The following GLIS3 variants were observed in gnomAD, a reference collection of about 807,000 sequenced individuals.
The protein encoded by GLIS3 is zinc finger protein GLIS3.
A neutral mutation model predicts 78.6 loss-of-function variants in GLIS3; 53 were observed. That is an observed-to-expected ratio of 0.67 (90% CI 0.54 to 0.85). The LOEUF is 0.85. Ranked by LOEUF, GLIS3 falls within the 40% of genes least tolerant of loss-of-function variation. The pLI is 0.00. For missense variants in GLIS3, 1,703 were observed against 1,231.1 expected, an observed-to-expected ratio of 1.38 and a Z score of -5.74; for synonymous variants, 684 against 509.9, an observed-to-expected ratio of 1.34 and a Z score of -4.60.
upstream of GLIS3, among the ~76,000 whole-genome samples, chr9:4,303,853 G>T (rs938822518): frequency 6.6e-6 from 1 of 152,182 alleles, no homozygotes; most frequent in Non-Finnish European, 1.5e-5. Flanking sequence ...TAAATTCATA[G>T]ATAAATACAA....
chr9:4,250,756 T>C (rs1244141088), intron 2 of GLIS3, among the ~76,000 whole-genome samples: 1 of 152,248 alleles, frequency 6.6e-6, no homozygotes, highest in Non-Finnish European at 1.5e-5. Flanking sequence ...TTTGGTGCTA[T>C]AAATTTCCCT....
chr9:3,964,197 G>A (rs1387429254), intron 4 of GLIS3, among the ~76,000 whole-genome samples: 1 of 152,072 alleles, frequency 6.6e-6, no homozygotes, highest in Non-Finnish European at 1.5e-5. Context: ...CATCATAAAT[G>A]CTATGTATCT....
intron 2 of GLIS3, among the ~76,000 whole-genome samples, chr9:4,234,390 A>T (rs1199029866): frequency 1.3e-5 from 2 of 152,212 alleles, no homozygotes; most frequent in African/African-American, 4.8e-5. Flanking sequence ...TGTTTTAAGG[A>T]ATACAAGAGC....
chr9:4,415,667 C>G, the GLIS3 span, among the ~76,000 whole-genome samples: 4 of 152,212 alleles, frequency 2.6e-5, no homozygotes, highest in African/African-American at 7.2e-5. Flanking sequence ...GACCTTACAA[C>G]AATAGATTGA....
chr9:4,182,284 G>C (rs1817399508), intron 2 of GLIS3, among the ~76,000 whole-genome samples: 2 of 152,104 alleles, frequency 1.3e-5, no homozygotes, highest in Non-Finnish European at 2.9e-5. Flanking sequence ...CCTTCAGATG[G>C]GGCATGTATT....
chr9:4,278,207 T>C (rs1827203174), intron 2 of GLIS3, among the ~76,000 whole-genome samples: 1 of 152,228 alleles, frequency 6.6e-6, no homozygotes. Flanking sequence ...ACTCACTATC[T>C]TTCTCTAATA....
chr9:4,085,504 C>T (rs1007003159), intron 4 of GLIS3, among the ~76,000 whole-genome samples: 1 of 151,912 alleles, frequency 6.6e-6, no homozygotes, highest in Non-Finnish European at 1.5e-5. Flanking sequence ...ATTAAAATCC[C>T]CACTGATCTC....
At chr9:4,380,096 C>A in the GLIS3 span, among the ~76,000 whole-genome samples, 24,055 of 152,028 alleles carry the variant, frequency 0.16, 2,838 homozygotes, top group African/African-American at 0.32. Flanking sequence ...TCTATTCCAC[C>A]GGAGCATTGT....
At chr9:4,383,968 C>T in the GLIS3 span, among the ~76,000 whole-genome samples, 1 of 152,220 alleles carries the variant, frequency 6.6e-6, no homozygotes, top group Non-Finnish European at 1.5e-5. Flanking sequence ...AGACTTACAG[C>T]CTTAAATATC....
intron 4 of GLIS3, among the ~76,000 whole-genome samples, chr9:4,067,481 G>C (rs1032233809): frequency 2.6e-5 from 4 of 152,000 alleles, no homozygotes; most frequent in African/African-American, 7.2e-5. Flanking sequence ...CACAGAAAAA[G>C]ACGCTGTAGG....
At chr9:4,201,132 C>T (rs1007113850) in intron 2 of GLIS3, among the ~76,000 whole-genome samples, 1 of 152,180 alleles carries the variant, frequency 6.6e-6, no homozygotes, top group Non-Finnish European at 1.5e-5. Context: ...TAAAATCAAA[C>T]ATGCCTTCAT....
intron 1 of GLIS3, among the ~76,000 whole-genome samples, chr9:4,290,713 T>C (rs1815878987): frequency 6.6e-6 from 1 of 152,102 alleles, no homozygotes; most frequent in African/African-American, 2.4e-5. Flanking sequence ...AAAGACTGTA[T>C]AAACAAAAAC....
At chr9:4,338,165 A>G (rs1377875898) in intron 2 of GLIS3, among the ~76,000 whole-genome samples, 1 of 152,024 alleles carries the variant, frequency 6.6e-6, no homozygotes, top group Non-Finnish European at 1.5e-5. Flanking sequence ...TGACTAGACA[A>G]GTTTCCTTGA....
chr9:4,069,015 A>G (rs1827357749), intron 4 of GLIS3, among the ~76,000 whole-genome samples: 1 of 152,164 alleles, frequency 6.6e-6, no homozygotes, highest in Non-Finnish European at 1.5e-5. Flanking sequence ...CAGAAAAGTA[A>G]GTGGCTTGTT....
the GLIS3 span, among the ~76,000 whole-genome samples, chr9:4,489,769 A>C: frequency 6.6e-6 from 1 of 152,198 alleles, no homozygotes; most frequent in Non-Finnish European, 1.5e-5. Flanking sequence ...CTGTGGTCAC[A>C]GAGCAAGTCC....
chr9:4,237,097 C>T (rs902998869), intron 2 of GLIS3, among the ~76,000 whole-genome samples: 2 of 122,258 alleles, frequency 1.6e-5, no homozygotes, highest in African/African-American at 5.2e-5. Flanking sequence ...TAAAGAATCA[C>T]CAACATGTTC....
chr9:4,334,890 G>A (rs1223452672), intron 2 of GLIS3, among the ~76,000 whole-genome samples: 1 of 142,572 alleles, frequency 7.0e-6, no homozygotes, highest in Non-Finnish European at 1.5e-5. Flanking sequence ...TCTCAGAAGA[G>A]AAATCATTTC....
intron 8 of GLIS3, among the ~76,000 whole-genome samples, chr9:3,867,422 C>T (rs1286309064): frequency 6.6e-6 from 1 of 152,134 alleles, no homozygotes; most frequent in East Asian, 1.9e-4. Flanking sequence ...TTCCAAAGGC[C>T]AATGACCTAA....
intron 2 of GLIS3, among the ~76,000 whole-genome samples, chr9:4,198,927 G>A (rs371315661): frequency 6.6e-6 from 1 of 152,176 alleles, no homozygotes; most frequent in African/African-American, 2.4e-5. Context: ...TTAAAGAAAA[G>A]AAATTCCAGC....
Sources: gnomAD v4.1 joint callset for allele counts (sites outside exome capture counted in the v4.1 genomes callset) on GRCh38, gnomAD v4.1.1 for gene constraint, MANE v1.5 for transcripts, NCBI Gene and HGNC (gene_info 2026-07-23, HGNC 2026-07-21) for gene names.